Variants in TMF1 observed in about 807,000 individuals in gnomAD.
The protein encoded by TMF1 is TATA element modulatory factor 1.
A neutral mutation model predicts 126.5 loss-of-function variants in TMF1; 71 were observed. The observed-to-expected ratio is 0.56, with a 90% CI of 0.46 to 0.68. The LOEUF is 0.68. Ranked by LOEUF, TMF1 falls within the 30% of genes least tolerant of loss-of-function variation. The probability of loss-of-function intolerance (pLI) is 0.00; values close to 1 mark genes in which losing one functional copy is unlikely to be tolerated. For synonymous variants in TMF1, 461 were observed against 430.5 expected (o/e 1.07, Z -0.88); for missense variants, 1,259 against 1,253.2 (o/e 1.00, Z -0.07).
chr3:69,041,341 C>A (rs2091863834), intron 5 of TMF1, among the ~76,000 whole-genome samples: 1 of 152,102 alleles, frequency 6.6e-6, no homozygotes, highest in Non-Finnish European at 1.5e-5. Flanking sequence ...CCCTAAAGGA[C>A]AGAGTGTCAT....
In TMF1 at chr3:69,048,481, A is replaced by G. The variant is rs200175993; in HGVS notation, c.224T>C (p.Ile75Thr). 4.3e-6 allele frequency: 7 copies of G among 1,614,174 alleles called. No individual in the cohort carries two copies. Among genetic ancestry groups the G allele is most frequent in the South Asian group, 1.1e-5 (1 of 91,086 alleles). The part of the protein sequence containing the change: ...KSNTEPQSPP[I>T]ASPKAITKPV... Reference sequence around the variant, plus strand: ...CTTTGTGATTGCTTTAGGAGAGGCTATTGGTGGACTCTGAGGTTCAGTGTT... The same window carrying G: ...CTTTGTGATTGCTTTAGGAGAGGCTGTTGGTGGACTCTGAGGTTCAGTGTT... Residue 75 changes from isoleucine (I) to threonine (T), a missense_variant, in exon 2 of 17, where the codon ATA becomes ACA. Transcript: ENST00000398559.
At chr3:69,045,903 CAAA>C (rs899146590) in intron 2 of TMF1, among the ~76,000 whole-genome samples, 1 of 151,656 alleles carries the variant, frequency 6.6e-6, no homozygotes, top group African/African-American at 2.4e-5. Context: ...TACTAAAAAT[CAAA>C]AAAATAGCCA....
At chr3:69,050,799 C>G (rs962907295) in intron 1 of TMF1, among the ~76,000 whole-genome samples, 17 of 152,148 alleles carry the variant, frequency 1.1e-4, no homozygotes, top group African/African-American at 4.1e-4. Flanking sequence ...AAATTAAGAA[C>G]AGAAACCAGA....
chr3:69,049,304 G>A (rs1276313384), intron 1 of TMF1, among the ~76,000 whole-genome samples: 1 of 152,178 alleles, frequency 6.6e-6, no homozygotes, highest in African/African-American at 2.4e-5. Context: ...AGCCCAGGAG[G>A]TGGAAGCTGC....
rs750111351 is a variant in TMF1 at position 69,047,993 on chromosome 3, G to C, written c.712C>G (p.Gln238Glu). The C allele has an allele frequency of 1.9e-6, 3 of 1,613,868 alleles. No homozygotes were observed. ...EPKEQKHEDRQSNTPSPPVST... is the reference protein window; with the variant it reads ...EPKEQKHEDRESNTPSPPVST... ...ACAGGAGGAGAAGGTGTATTGCTCT[G>C]CCTGTCTTCATGTTTTTGTTCCTTA... Residue 238 changes from glutamine to glutamate, a missense_variant, in exon 2 of 17, where the codon CAG (glutamine) becomes GAG (glutamate). By Grantham distance (29) the Gln-to-Glu change is conservative (BLOSUM62 2). Transcript: ENST00000398559.
Position 69,022,805 on chromosome 3 carries a change from A to G in TMF1, c.*372T>C, listed in dbSNP as rs910773630. The stretch of plus-strand genomic sequence containing the variant: ...ATTACTCTTCAAATGTTCTTAATAT[A>G]TATATAAACACTTACAAATTATAGA... On this transcript the variant is annotated 3_prime_UTR_variant, in exon 17 of 17. Transcript: ENST00000398559. 2 of 154,238 alleles carry G rather than the reference A, an allele frequency of 1.3e-5. No individual in the cohort carries two copies. Among genetic ancestry groups the G allele is most frequent in the African/African-American group, 4.8e-5 (2 of 41,486 alleles). The allele number at this position is 154,238 out of a possible 1,614,324, so 9.6% of individuals were successfully genotyped here. A position where few individuals can be genotyped will look rare whatever the true frequency, so the allele number is the denominator to read the frequency against.
At chr3:69,046,976 T>G (rs1442751614) in intron 2 of TMF1, among the ~76,000 whole-genome samples, 1 of 152,164 alleles carries the variant, frequency 6.6e-6, no homozygotes, top group Non-Finnish European at 1.5e-5. Flanking sequence ...AACCATAACA[T>G]TTAGTTTTTT....
intron 2 of TMF1, 144 bp downstream of exon 2, chr3:69,047,214 T>G: frequency 1.1e-6 from 1 of 884,776 alleles, no homozygotes; most frequent in Non-Finnish European, 1.6e-6. Context: ...AACTTCAAGG[T>G]ACTTAATGCT....
chr3:69,025,521 C>T (rs373517771), intron 15 of TMF1, 39 bp downstream of exon 15: 1 of 1,572,268 alleles, frequency 6.4e-7, no homozygotes, highest in African/African-American at 1.4e-5. Flanking sequence ...GGCCTCAAAA[C>T]TTCATTTACT....
chr3:69,030,089 T>G, intron 10 of TMF1, 82 bp from the exon 11 acceptor site: 3 of 1,243,600 alleles, frequency 2.4e-6, no homozygotes, highest in Non-Finnish European at 3.3e-6. Flanking sequence ...TTTCAAACAT[T>G]TAATGATGCA....
Position 69,038,708 on chromosome 3 carries a change from A to C in TMF1, c.2007T>G (p.Asp669Glu), listed in dbSNP as rs954901493. Residue 669 changes from aspartate (D) to glutamate (E), a missense_variant, in exon 8 of 17, where the codon GAT becomes GAG. Transcript: ENST00000398559. ...ALDSAYKELT[D>E]LHKANAAKDS... ...CCTTTGCAGCATTGGCTTTGTGAAG[A>C]TCAGTAAGTTCTCTTAAAAAATTAG... 6.2e-7 allele frequency: 1 copy of C among 1,608,726 alleles called. No homozygotes were observed. Among genetic ancestry groups the C allele is most frequent in the African/African-American group, 1.3e-5 (1 of 74,482 alleles).
At chr3:69,032,440 G>A (rs1001628396) in intron 10 of TMF1, among the ~76,000 whole-genome samples, 5 of 152,110 alleles carry the variant, frequency 3.3e-5, no homozygotes, top group South Asian at 4.1e-4. Context: ...AGTGTCAGGC[G>A]TAGAAGGCAT....
intron 9 of TMF1, 118 bp from the exon 10 acceptor site, chr3:69,033,822 G>C: frequency 1.0e-6 from 1 of 969,156 alleles, no homozygotes. Flanking sequence ...AAAATAATTT[G>C]CTTTTTAATT....
At chr3:69,046,425 T>A (rs2091896645) in intron 2 of TMF1, among the ~76,000 whole-genome samples, 1 of 152,210 alleles carries the variant, frequency 6.6e-6, no homozygotes, top group Non-Finnish European at 1.5e-5. Flanking sequence ...TCCTATTATA[T>A]ATCTTACAGT....
In TMF1 at chr3:69,029,240, G is replaced by C. The variant is rs534602417; in HGVS notation, c.2594+575C>G. Among the ~76,000 whole-genome samples the C allele has an allele frequency of 2.0e-5, 3 of 151,554 alleles. No homozygotes were observed. In the East Asian group the frequency reaches 5.8e-4, roughly 30 times the overall value. ...GTAGACACAGGGTTTCACCATGTTG[G>C]CCAGGCTGGTCTTGAACTCCTAACC... On this transcript the variant is annotated intron_variant, in intron 11 of 16. Coordinates refer to ENST00000398559, the MANE Select transcript of TMF1 (RefSeq NM_007114.3).
At chr3:69,040,921 CAA>C (rs776154493) in intron 5 of TMF1, among the ~76,000 whole-genome samples, 6 of 110,870 alleles carry the variant, frequency 5.4e-5, no homozygotes, top group Non-Finnish European at 1.9e-5. Context: ...GACTCTGTTT[CAA>C]AAAAAAAAAA....
At chr3:69,033,877 C>T (rs2091818215) in intron 9 of TMF1, 173 bp from the exon 10 acceptor site, 5 of 576,448 alleles carry the variant, frequency 8.7e-6, no homozygotes, top group South Asian at 5.1e-5. Flanking sequence ...GTCACCCAGG[C>T]TGGAGTGCAG....
chr3:69,023,315 C>T lies in TMF1; in HGVS notation c.3144G>A (p.Leu1048=). The T allele has an allele frequency of 6.2e-7, 1 of 1,603,380 alleles. No homozygotes were observed. The highest frequency in any genetic ancestry group is 8.5e-7 in the Non-Finnish European group (1 of 1,176,352). The change falls in exon 17 of 17, where the codon TTG becomes TTA. Residue 1048 remains leucine (L), a synonymous_variant. Transcript: ENST00000398559. ...IPKLRTQLRD[L]DQRYNTILQM... is the part of the protein sequence containing the mutation. Reference sequence around the variant, plus strand: ...GCAGAATAGTGTTGTACCTTTGATCCAAATCCTGAAAAATGTATTTGTTTA... The same window carrying T: ...GCAGAATAGTGTTGTACCTTTGATCTAAATCCTGAAAAATGTATTTGTTTA...
intron 9 of TMF1, among the ~76,000 whole-genome samples, chr3:69,034,412 G>A (rs2091821311): frequency 6.6e-6 from 1 of 152,160 alleles, no homozygotes; most frequent in South Asian, 2.1e-4. Context: ...GGCAGAGGGT[G>A]CAGTGAGCCA....
Sources: gnomAD v4.1 joint callset for allele counts (sites outside exome capture counted in the v4.1 genomes callset) on GRCh38, gnomAD v4.1.1 for gene constraint, MANE v1.5 for transcripts, NCBI Gene and HGNC (gene_info 2026-07-23, HGNC 2026-07-21) for gene names.